Variants in ACSM1 observed in about 807,000 individuals in gnomAD.
ACSM1 encodes acyl-coenzyme A synthetase ACSM1, mitochondrial.
A neutral mutation model predicts 75.8 loss-of-function variants in ACSM1; 79 were observed. The ratio of observed to expected loss-of-function variants is 1.04; its 90% CI spans 0.87 to 1.26. The LOEUF is 1.26. Ranked by LOEUF, ACSM1 falls within the 50% of genes most tolerant of loss-of-function variation. The probability of loss-of-function intolerance (pLI) is 0.00; values close to 1 mark genes in which losing one functional copy is unlikely to be tolerated. For synonymous variants in ACSM1, 279 were observed against 265.8 expected (o/e 1.05, Z -0.48); for missense variants, 676 against 720.1 (o/e 0.94, Z 0.70).
At chr16:20,645,059 G>A (rs2018284242) in intron 7 of ACSM1, among the ~76,000 whole-genome samples, 1 of 152,216 alleles carries the variant, frequency 6.6e-6, no homozygotes, top group East Asian at 1.9e-4. Context: ...GGGTTGTTAT[G>A]AAATACTCAG....
In ACSM1 at chr16:20,661,881, G is replaced by C. The variant is rs1468508346; in HGVS notation, c.913-8C>G. 6.3e-7 allele frequency: 1 copy of C among 1,590,326 alleles called. No homozygotes were observed. The highest frequency in any genetic ancestry group is 1.3e-5 in the African/African-American group (1 of 74,488). The stretch of plus-strand genomic sequence containing the variant: ...GGGGTATTTCAACAATGTCTGGAAA[G>C]GGAAGAGAGAAGAAATTTTATTTTT... On this transcript the variant is annotated splice_region_variant and splice_polypyrimidine_tract_variant and intron_variant, in intron 6 of 13. Coordinates refer to ENST00000520010, the MANE Select transcript of ACSM1 (RefSeq NM_001318890.3).
chr16:20,691,377 TG>T (rs1279987319), intron 1 of ACSM1, 138 bp from the exon 2 acceptor site: 1 of 518,332 alleles, frequency 1.9e-6, no homozygotes, highest in Non-Finnish European at 3.3e-6. Context: ...TGATTGATTT[TG>T]GTGGGGATTT....
At chr16:20,638,531 C>T (rs1034910553) in intron 8 of ACSM1, among the ~76,000 whole-genome samples, 1 of 152,246 alleles carries the variant, frequency 6.6e-6, no homozygotes, top group Non-Finnish European at 1.5e-5. Flanking sequence ...GCAAGGACCA[C>T]AGCAGCTGCA....
At chr16:20,661,748 T>G in intron 7 of ACSM1, 46 bp downstream of exon 7, 1 of 1,420,028 alleles carries the variant, frequency 7.0e-7, no homozygotes. Context: ...ATCAGATTCC[T>G]TAAAATCTTA....
chr16:20,662,569 A>G (rs572312296), intron 6 of ACSM1, among the ~76,000 whole-genome samples: 1 of 152,290 alleles, frequency 6.6e-6, no homozygotes, highest in Non-Finnish European at 1.5e-5. Context: ...AGAGAAGAGA[A>G]AGTGGGTTTG....
Position 20,690,981 on chromosome 16 carries a change from A to G in ACSM1, c.192+16T>C, listed in dbSNP as rs1348923125. Reference sequence around the variant, plus strand: ...CCACCCTTGTTCTTATATCGCCATCACGGCAGATCTCTTACCTTCTCCTTT... The same window carrying G: ...CCACCCTTGTTCTTATATCGCCATCGCGGCAGATCTCTTACCTTCTCCTTT... On this transcript the variant is annotated intron_variant, in intron 2 of 13. Coordinates refer to ENST00000520010, the MANE Select transcript of ACSM1 (RefSeq NM_001318890.3). 1.2e-6 allele frequency: 2 copies of G among 1,601,198 alleles called. No homozygotes were observed. The highest frequency in any genetic ancestry group is 1.8e-5 in the Admixed American group (1 of 56,858).
chr16:20,671,684 T>C lies in ACSM1; in HGVS notation c.612-13A>G. Reference sequence around the variant, plus strand: ...TGGGGATGCTGATCTGCAAAGGGGTTCAAGACAAAAGGAAAAAAGTCATGA... The same window carrying C: ...TGGGGATGCTGATCTGCAAAGGGGTCCAAGACAAAAGGAAAAAAGTCATGA... On this transcript the variant is annotated splice_polypyrimidine_tract_variant and intron_variant, in intron 4 of 13. Transcript: ENST00000520010. 1 of 1,525,700 alleles carries C rather than the reference T, an allele frequency of 6.6e-7. No homozygotes were observed. The highest frequency in any genetic ancestry group is 8.8e-7 in the Non-Finnish European group (1 of 1,133,246). 94.5% of individuals were successfully genotyped at this position (1,525,700 alleles called of 1,614,324 possible).
intron 12 of ACSM1, among the ~76,000 whole-genome samples, chr16:20,624,773 C>A (rs1194176206): frequency 3.3e-5 from 5 of 152,216 alleles, no homozygotes; most frequent in Non-Finnish European, 7.4e-5. Flanking sequence ...TGGCTCACTG[C>A]AACCTCAGCC....
intron 7 of ACSM1, among the ~76,000 whole-genome samples, chr16:20,642,246 A>C (rs2018105128): frequency 6.6e-6 from 1 of 152,218 alleles, no homozygotes. Flanking sequence ...AAGTGTAAAA[A>C]ACTAACCTCA....
chr16:20,670,407 G>C (rs2019831213), intron 5 of ACSM1, among the ~76,000 whole-genome samples: 2 of 152,234 alleles, frequency 1.3e-5, no homozygotes, highest in South Asian at 4.1e-4. Context: ...GCCACTACTA[G>C]CTTGCACCTG....
intron 13 of ACSM1, 150 bp downstream of exon 13, chr16:20,623,946 A>G (rs2016759465): frequency 8.2e-7 from 1 of 1,219,906 alleles, no homozygotes; most frequent in Non-Finnish European, 1.1e-6. Flanking sequence ...AAGGAGAGCC[A>G]TGGAGGACAT....
intron 8 of ACSM1, among the ~76,000 whole-genome samples, chr16:20,639,804 G>T (rs2017942890): frequency 6.6e-6 from 1 of 152,130 alleles, no homozygotes; most frequent in Non-Finnish European, 1.5e-5. Context: ...ATCCAGAAGG[G>T]ACCTTTCCAC....
intron 10 of ACSM1, among the ~76,000 whole-genome samples, chr16:20,630,185 T>C (rs1008201338): frequency 6.6e-6 from 1 of 151,126 alleles, no homozygotes; most frequent in Non-Finnish European, 1.5e-5. Flanking sequence ...AATGGCACGA[T>C]CTCAGCTCAC....
intron 7 of ACSM1, among the ~76,000 whole-genome samples, chr16:20,659,375 A>C (rs776236224): frequency 1.3e-5 from 2 of 152,158 alleles, no homozygotes; most frequent in Non-Finnish European, 2.9e-5. Flanking sequence ...ATTCTATGGA[A>C]TGCTTTTTGG....
Position 20,682,468 on chromosome 16 carries a change from G to C in ACSM1, c.404-5C>G. 1 of 1,611,278 alleles carries C rather than the reference G, an allele frequency of 6.2e-7. No individual in the cohort carries two copies. The highest frequency in any genetic ancestry group is 8.5e-7 in the Non-Finnish European group (1 of 1,177,992). ...TCGCAGGAATGAAGATGATCCCTGG[G>C]GATGAGAAAGGAACTGATTGTTTTG... On this transcript the variant is annotated splice_polypyrimidine_tract_variant and splice_region_variant and intron_variant, in intron 3 of 13. Transcript: ENST00000520010.
chr16:20,672,816 A>G (rs1273004745), intron 4 of ACSM1, among the ~76,000 whole-genome samples: 1 of 126,886 alleles, frequency 7.9e-6, no homozygotes, highest in African/African-American at 3.2e-5. Flanking sequence ...TATATAATAT[A>G]TATTATATAA....
intron 7 of ACSM1, among the ~76,000 whole-genome samples, chr16:20,649,490 A>G (rs1025200711): frequency 6.6e-6 from 1 of 152,132 alleles, no homozygotes; most frequent in African/African-American, 2.4e-5. Context: ...CCAGGAGATA[A>G]TAAACTAAGA....
chr16:20,624,185 G>C lies in ACSM1; in HGVS notation c.1558C>G (p.Gln520Glu). 2 of 1,612,670 alleles carry C rather than the reference G, an allele frequency of 1.2e-6. No individual in the cohort carries two copies. Among genetic ancestry groups the C allele is most frequent in the Non-Finnish European group, 1.7e-6 (2 of 1,179,012 alleles). ...TGATCCTTGTCATGGGACAGGAACTGTGGGGTCAGGACAATAAAGGCCTTC... is the reference window on the plus strand; with the variant it reads ...TGATCCTTGTCATGGGACAGGAACTCTGGGGTCAGGACAATAAAGGCCTTC... ...VVKAFIVLTP[Q>E]FLSHDKDQLT... Residue 520 changes from glutamine (Q) to glutamate (E), a missense_variant, in exon 13 of 14, where the codon CAG becomes GAG. Transcript: ENST00000520010.
intron 7 of ACSM1, among the ~76,000 whole-genome samples, chr16:20,659,517 T>C (rs1255945146): frequency 6.6e-6 from 1 of 152,172 alleles, no homozygotes; most frequent in African/African-American, 2.4e-5. Flanking sequence ...CCCTGTATAT[T>C]GTGACTTAAC....
Sources: allele counts gnomAD v4.1 joint callset (sites outside exome capture counted in the v4.1 genomes callset), GRCh38; gene constraint gnomAD v4.1.1; transcripts MANE v1.5; gene names NCBI Gene and HGNC (gene_info 2026-07-23, HGNC 2026-07-21).